Variants in NIPBL observed in about 807,000 individuals in gnomAD.
The protein encoded by NIPBL is nipped-B-like protein.
A neutral mutation model predicts 321.8 loss-of-function variants in NIPBL; 19 were observed. That is an observed-to-expected ratio of 0.06 (90% confidence interval 0.04 to 0.09). NIPBL has a LOEUF of 0.09. NIPBL is among the 10% of genes least tolerant of loss of function. The pLI is 1.00. For missense variants in NIPBL, 2,210 were observed against 3,327.0 expected, an observed-to-expected ratio of 0.66 and a Z score of 8.26; for synonymous variants, 1,106 against 1,114.1, an observed-to-expected ratio of 0.99 and a Z score of 0.14.
chr5:36,901,641 C>T (rs1025558373), intron 1 of NIPBL, among the ~76,000 whole-genome samples: 2 of 151,030 alleles, frequency 1.3e-5, no homozygotes, highest in Non-Finnish European at 2.9e-5. Context: ...TCCCAAGTAG[C>T]GGGGATTACA....
At chr5:36,878,688 A>G (rs1745279822) in intron 1 of NIPBL, among the ~76,000 whole-genome samples, 1 of 152,194 alleles carries the variant, frequency 6.6e-6, no homozygotes. Context: ...ATTACAATAA[A>G]TTGTTTCACA....
chr5:36,952,793 A>G (rs1204608856), intron 1 of NIPBL, among the ~76,000 whole-genome samples: 3 of 152,196 alleles, frequency 2.0e-5, no homozygotes, highest in Non-Finnish European at 4.4e-5. Context: ...ACATGTAGTG[A>G]TAGTTGGAAA....
chr5:36,937,180 T>G (rs2149578573), intron 1 of NIPBL, among the ~76,000 whole-genome samples: 1 of 152,306 alleles, frequency 6.6e-6, no homozygotes, highest in Non-Finnish European at 1.5e-5. Flanking sequence ...CAGACTTATT[T>G]TAAAAACAAT....
At chr5:36,952,976 A>G (rs1397726853) in intron 1 of NIPBL, among the ~76,000 whole-genome samples, 2 of 152,222 alleles carry the variant, frequency 1.3e-5, no homozygotes, top group Non-Finnish European at 2.9e-5. Flanking sequence ...GTTTCATGAA[A>G]TCGTGGGAAC....
chr5:37,016,992 T>G, intron 23 of NIPBL, 27 bp from the exon 24 acceptor site: 2 of 1,452,458 alleles, frequency 1.4e-6, no homozygotes, highest in Non-Finnish European at 1.9e-6. Context: ...ATAAATCTAT[T>G]CAATCAAAAA....
chr5:36,919,611 T>C (rs553324774), intron 1 of NIPBL, among the ~76,000 whole-genome samples: 19 of 152,338 alleles, frequency 1.2e-4, no homozygotes, highest in African/African-American at 3.6e-4. Flanking sequence ...ATTGCAATAT[T>C]GCAATAGAAA....
intron 42 of NIPBL, among the ~76,000 whole-genome samples, chr5:37,056,558 G>A (rs72736723): frequency 0.015 from 2,296 of 152,150 alleles, 26 homozygotes; most frequent in South Asian, 0.028. Flanking sequence ...TGATAGCATT[G>A]TCAAAACAAC....
intron 21 of NIPBL, 85 bp downstream of exon 21, chr5:37,010,310 T>G: frequency 2.6e-6 from 3 of 1,157,530 alleles, no homozygotes; most frequent in Non-Finnish European, 3.8e-6. Context: ...AAACTGAAGT[T>G]CTTTTTTTTT....
intron 1 of NIPBL, among the ~76,000 whole-genome samples, chr5:36,919,777 A>G (rs974131113): frequency 2.6e-5 from 4 of 152,214 alleles, no homozygotes; most frequent in African/African-American, 9.6e-5. Flanking sequence ...GATATTGAAC[A>G]TAGAGATTCT....
intron 1 of NIPBL, among the ~76,000 whole-genome samples, chr5:36,927,876 G>C (rs1256323894): frequency 6.6e-6 from 1 of 152,048 alleles, no homozygotes; most frequent in Non-Finnish European, 1.5e-5. Context: ...TAAAGGAGAC[G>C]GGTTTCGCCA....
chr5:36,936,834 A>G (rs1284971862), intron 1 of NIPBL, among the ~76,000 whole-genome samples: 1 of 151,988 alleles, frequency 6.6e-6, no homozygotes, highest in Non-Finnish European at 1.5e-5. Context: ...ATTATATTGA[A>G]GATTAAATGG....
intron 1 of NIPBL, among the ~76,000 whole-genome samples, chr5:36,935,158 A>T (rs1041838718): frequency 6.6e-6 from 1 of 152,182 alleles, no homozygotes; most frequent in Non-Finnish European, 1.5e-5. Flanking sequence ...TTCAAAAAAC[A>T]TAATGACTGG....
At chr5:36,952,184 G>A (rs72734694) in intron 1 of NIPBL, among the ~76,000 whole-genome samples, 3,609 of 151,894 alleles carry the variant, frequency 0.024, 64 homozygotes, top group South Asian at 0.046. Context: ...ATAATTATAC[G>A]TTAAATAATT....
intron 22 of NIPBL, among the ~76,000 whole-genome samples, chr5:37,015,649 G>A (rs1277990458): frequency 2.6e-5 from 4 of 152,098 alleles, no homozygotes; most frequent in African/African-American, 7.2e-5. Flanking sequence ...AGAATCGCTG[G>A]AACCCGGGAG....
At chr5:36,897,909 A>T (rs1746892177) in intron 1 of NIPBL, among the ~76,000 whole-genome samples, 1 of 151,458 alleles carries the variant, frequency 6.6e-6, no homozygotes, top group African/African-American at 2.4e-5. Context: ...AAAAAAAGCA[A>T]GGAGGGAAGA....
intron 1 of NIPBL, among the ~76,000 whole-genome samples, chr5:36,880,216 T>C (rs1467156092): frequency 1.3e-5 from 2 of 152,056 alleles, no homozygotes; most frequent in Non-Finnish European, 2.9e-5. Flanking sequence ...TAATTTCATA[T>C]TTAATTTTTT....
chr5:37,063,713 T>C, intron 45 of NIPBL, 77 bp from the exon 46 acceptor site: 1 of 1,442,588 alleles, frequency 6.9e-7, no homozygotes, highest in East Asian at 2.5e-5. Context: ...ACTACTGCCA[T>C]AGAAAACATT....
Position 37,065,094 on chromosome 5 carries a change from C to G in NIPBL, c.*202C>G. 1 of 617,746 alleles carries G rather than the reference C, an allele frequency of 1.6e-6. No individual in the cohort carries two copies. The highest frequency in any genetic ancestry group is 2.8e-6 in the Non-Finnish European group (1 of 355,086). The allele number at this position is 617,746 out of a possible 1,614,324, so 38.3% of individuals were successfully genotyped here. On this transcript the variant is annotated 3_prime_UTR_variant, in exon 47 of 47. Transcript: ENST00000282516. Reference sequence around the variant, plus strand: ...GTGCAGCAGAAACAGATTCTCAGTTCATTTTTACTCCCACTGTATTATAGT... The same window carrying G: ...GTGCAGCAGAAACAGATTCTCAGTTGATTTTTACTCCCACTGTATTATAGT...
intron 1 of NIPBL, among the ~76,000 whole-genome samples, chr5:36,936,982 C>A (rs1487360227): frequency 6.6e-6 from 1 of 152,034 alleles, no homozygotes; most frequent in Non-Finnish European, 1.5e-5. Context: ...TCACATATAG[C>A]CTTTTCTTTC....
Sources: allele counts gnomAD v4.1 joint callset (sites outside exome capture counted in the v4.1 genomes callset), GRCh38; gene constraint gnomAD v4.1.1; transcripts MANE v1.5; gene names NCBI Gene and HGNC (gene_info 2026-07-23, HGNC 2026-07-21).